The following RYR3 variants were observed in gnomAD, a reference collection of about 807,000 sequenced individuals.
The protein encoded by RYR3 is brain ryanodine receptor-calcium release channel.
In RYR3, 207 loss-of-function variants were observed where a neutral mutation model predicts 584.3. The observed-to-expected ratio is 0.35, with a 90% CI of 0.32 to 0.40. The LOEUF (loss-of-function observed/expected upper bound fraction) is 0.40, where lower values mean the gene tolerates loss of function less well. RYR3 is among the 10% of genes least tolerant of loss of function. The pLI, the probability that RYR3 is intolerant of heterozygous loss-of-function variation, is 1.00. For synonymous variants in RYR3, 2,416 were observed against 2,248.5 expected (o/e 1.07, Z -2.11); for missense variants, 5,616 against 6,089.2 (o/e 0.92, Z 2.59).
rs867141835 is a variant in RYR3, at chr15:33,756,748, T to C, written c.8583+375T>C. Among the ~76,000 whole-genome samples the C allele has an allele frequency of 2.0e-5, 3 of 152,072 alleles. No individual in the cohort carries two copies. In the South Asian group the frequency reaches 6.2e-4, roughly 31 times the overall value. ...TCCCAATGGCTAGAACTTGTCATCTTTCACCTTACTGACCCCAGGCAGTAT... is the reference window on the plus strand; with the variant it reads ...TCCCAATGGCTAGAACTTGTCATCTCTCACCTTACTGACCCCAGGCAGTAT... On this transcript the variant is annotated intron_variant, in intron 59 of 103. Transcript: ENST00000634891.
At chr15:33,724,626 C>T (rs1172254559) in intron 45 of RYR3, among the ~76,000 whole-genome samples, 1 of 152,186 alleles carries the variant, frequency 6.6e-6, no homozygotes, top group Non-Finnish European at 1.5e-5. Flanking sequence ...TTGCAAACAT[C>T]ACAAAAGGAT....
intron 86 of RYR3, among the ~76,000 whole-genome samples, chr15:33,834,397 G>A (rs1395186631): frequency 6.6e-6 from 1 of 151,736 alleles, no homozygotes; most frequent in Non-Finnish European, 1.5e-5. Flanking sequence ...CGTCAGAGAT[G>A]CTATTATATA....
rs1022115940 is a variant in RYR3, at chr15:33,311,560, C to T, written c.51+464C>T. 3.3e-5 allele frequency among the ~76,000 whole-genome samples: 5 copies of T among 152,166 alleles called. No individual in the cohort carries two copies. The highest frequency in any genetic ancestry group is 2.0e-4 in the Admixed American group (3 of 15,280). ...AGGGGAACCTCCGGGAAGGAGCCAG[C>T]GGGGCAGGGGGGAGTGTGGGGAGCC... On this transcript the variant is annotated intron_variant, in intron 1 of 103. Coordinates refer to ENST00000634891, the MANE Select transcript of RYR3 (RefSeq NM_001036.6). This position sits in a 1 kb window ranked among gnomAD's most constrained non-coding sequence, Gnocchi z 4.4.
chr15:33,421,864 G>C (rs2049482050), intron 1 of RYR3, among the ~76,000 whole-genome samples: 1 of 152,146 alleles, frequency 6.6e-6, no homozygotes. Context: ...AAAAACGGAT[G>C]AATTTTAAAA....
chr15:33,516,190 C>A (rs527560774), intron 3 of RYR3, among the ~76,000 whole-genome samples: 1 of 152,148 alleles, frequency 6.6e-6, no homozygotes, highest in South Asian at 2.1e-4. Context: ...TTTCTGTATT[C>A]CAGCTTCCCC....
At chr15:33,776,219 CAA>C (rs1373456594) in intron 64 of RYR3, among the ~76,000 whole-genome samples, 1 of 152,156 alleles carries the variant, frequency 6.6e-6, no homozygotes, top group Non-Finnish European at 1.5e-5. Context: ...CTGTGAGGGG[CAA>C]AGTCACTGAA....
intron 1 of RYR3, among the ~76,000 whole-genome samples, chr15:33,369,571 C>CATCT (rs1001379753): frequency 2.3e-4 from 35 of 151,864 alleles, no homozygotes; most frequent in African/African-American, 4.4e-4. Context: ...GTAATTCCTT[C>CATCT]ATCTATCTAT....
At chr15:33,334,858 T>C (rs909126025) in intron 1 of RYR3, among the ~76,000 whole-genome samples, 6 of 150,638 alleles carry the variant, frequency 4.0e-5, no homozygotes, top group African/African-American at 9.7e-5. Context: ...CATTAAACAG[T>C]GGGCAAAGCA....
At position 33,529,664 on chromosome 15, in the gene RYR3, G is replaced by A. The variant is rs141132780; in HGVS notation, c.280-928G>A. On this transcript the variant is annotated intron_variant, in intron 3 of 103. Coordinates refer to ENST00000634891, the MANE Select transcript of RYR3 (RefSeq NM_001036.6). Reference sequence around the variant, plus strand: ...ATGCTCAAATATTTTCTCCAAAAAGGGTGTGTGATCAAAAACTTGATTGCT... The same window carrying A: ...ATGCTCAAATATTTTCTCCAAAAAGAGTGTGTGATCAAAAACTTGATTGCT... Among the ~76,000 whole-genome samples the A allele has an allele frequency of 2.2e-3, 341 of 152,262 alleles. 1 individual carries two copies. The Middle Eastern group carries it at 0.034, about 15-fold the overall frequency.
chr15:33,406,742 C>T (rs941228578), intron 1 of RYR3, among the ~76,000 whole-genome samples: 9 of 152,174 alleles, frequency 5.9e-5, no homozygotes, highest in South Asian at 2.1e-4. Flanking sequence ...GAGGAAATAA[C>T]TATCCCAGGC....
intron 38 of RYR3, among the ~76,000 whole-genome samples, chr15:33,675,392 C>G (rs1456215969): frequency 6.6e-6 from 1 of 152,232 alleles, no homozygotes; most frequent in Admixed American, 6.5e-5. Context: ...AAAACTTTGT[C>G]AACCTGAATT....
At chr15:33,380,505 G>A (rs2041102519) in intron 1 of RYR3, among the ~76,000 whole-genome samples, 1 of 152,234 alleles carries the variant, frequency 6.6e-6, no homozygotes, top group Non-Finnish European at 1.5e-5. Context: ...AGATGGCTGA[G>A]CGATTAGCTA....
At chr15:33,464,503 T>TATATATAC (rs1180164194) in intron 1 of RYR3, among the ~76,000 whole-genome samples, 2,935 of 105,238 alleles carry the variant, frequency 0.028, 232 homozygotes, top group East Asian at 0.05. Flanking sequence ...CATATATATA[T>TATATATAC]ACATACACAT....
At chr15:33,644,599 G>C in intron 28 of RYR3, 80 bp downstream of exon 28, 3 of 1,052,210 alleles carry the variant, frequency 2.9e-6, no homozygotes, top group Non-Finnish European at 4.3e-6. Flanking sequence ...CCTGTCAACA[G>C]GCAGCTGCTT....
At chr15:33,841,346 C>T (rs1225622578) in intron 90 of RYR3, among the ~76,000 whole-genome samples, 1 of 152,210 alleles carries the variant, frequency 6.6e-6, no homozygotes, top group African/African-American at 2.4e-5. Context: ...GGTATATTTC[C>T]TTTTACCCTA....
rs769980798 is a variant in RYR3, at chr15:33,629,944, G to A, written c.2684G>A (p.Arg895Gln). 8.8e-6 allele frequency: 14 copies of A among 1,583,764 alleles called. No homozygotes were observed. Among genetic ancestry groups the A allele is most frequent in the East Asian group, 2.3e-5 (1 of 44,414 alleles). ...IELGWTFGKI[R>Q]DDNKRQHPCL... ...CTTTCTTATGTCACCACCTAGATAC[G>A]AGATGACAATAAAAGACAACACCCT... The change falls in exon 22 of 104, where the codon CGA becomes CAA. Residue 895 changes from arginine to glutamine, a missense_variant. Arg to Gln is a conservative substitution (Grantham distance 43). Transcript: ENST00000634891.
rs776822067 is a variant in RYR3 at position 33,628,541 on chromosome 15, T to C, written c.2645T>C (p.Met882Thr). The C allele has an allele frequency of 6.2e-7, 1 of 1,613,764 alleles. No homozygotes were observed. The highest frequency in any genetic ancestry group is 1.1e-5 in the South Asian group (1 of 91,050). ...LAENIHELWG[M>T]NKIELGWTFG... ...GAAAACATCCATGAGCTTTGGGGAA[T>C]GAATAAAATAGAACTTGGCTGGACT... is the stretch of plus-strand genomic sequence containing the variant. The change falls in exon 21 of 104, where the codon ATG becomes ACG. Residue 882 changes from methionine (M) to threonine (T), a missense_variant. By Grantham distance (81) the Met-to-Thr change is moderately conservative. This residue lies in a region of RYR3 where 1,284 missense variants were observed against 1,344.6 expected (regional missense o/e 0.95). Transcript: ENST00000634891.
intron 4 of RYR3, among the ~76,000 whole-genome samples, chr15:33,532,900 T>G (rs1297688379): frequency 6.6e-6 from 1 of 152,124 alleles, no homozygotes; most frequent in East Asian, 1.9e-4. Context: ...GAGGATCACT[T>G]GAAGCCAGGC....
chr15:33,660,257 T>C lies in RYR3; in HGVS notation c.4456T>C (p.Cys1486Arg). ...TGAAGAGAAGAACCCAGTCCCACAG[T>C]GTCCACCTCGGCTGGACGTCCAAAC... ...RSEEKNPVPQ[C>R]PPRLDVQTIQ... The change falls in exon 34 of 104, where the codon TGT (cysteine) becomes CGT (arginine). Residue 1486 changes from cysteine to arginine, a missense_variant. Coordinates refer to ENST00000634891, the MANE Select transcript of RYR3 (RefSeq NM_001036.6). 1 of 1,555,130 alleles carries C rather than the reference T, an allele frequency of 6.4e-7. No individual in the cohort carries two copies. Among genetic ancestry groups the C allele is most frequent in the African/African-American group, 1.4e-5 (1 of 73,316 alleles).
Sources: allele counts gnomAD v4.1 joint callset (sites outside exome capture counted in the v4.1 genomes callset), GRCh38; gene constraint gnomAD v4.1.1; regional missense constraint gnomAD v4.1.1; non-coding constraint Gnocchi (gnomAD v3.1); transcripts MANE v1.5; gene names NCBI Gene and HGNC (gene_info 2026-07-23, HGNC 2026-07-21).